GCFC2: variants seen among roughly 807,000 people sequenced by gnomAD.
GCFC2 encodes GC-rich sequence DNA-binding factor 2, also known as intron Large complex component GCFC2.
GCFC2 carries 102 observed loss-of-function variants against 99.4 expected under a neutral mutation model. The observed-to-expected ratio is 1.03, with a 90% CI of 0.87 to 1.21. The LOEUF (loss-of-function observed/expected upper bound fraction) is 1.21. Among genes scored for constraint, GCFC2 ranks in the 50% most tolerant of loss-of-function variants. The probability of loss-of-function intolerance (pLI) is 0.00; values close to 1 mark genes in which losing one functional copy is unlikely to be tolerated. For synonymous variants in GCFC2, 338 were observed against 316.8 expected (o/e 1.07, Z -0.71); for missense variants, 973 against 920.9 (o/e 1.06, Z -0.73).
At chr2:75,667,297 A>C (rs2104186193) in intron 15 of GCFC2, among the ~76,000 whole-genome samples, 1 of 152,308 alleles carries the variant, frequency 6.6e-6, no homozygotes, top group African/African-American at 2.4e-5. Flanking sequence ...CTGTCACAAT[A>C]TCACACTATT....
At chr2:75,666,293 T>C (rs1339006514) in intron 15 of GCFC2, among the ~76,000 whole-genome samples, 3 of 152,240 alleles carry the variant, frequency 2.0e-5, no homozygotes, top group Non-Finnish European at 4.4e-5. Flanking sequence ...GTAGTACTAG[T>C]AATTCTTTCT....
At chr2:75,710,950 G>A (rs1464573061), upstream of GCFC2, 8 of 1,367,146 alleles carry the variant, frequency 5.9e-6, no homozygotes, top group African/African-American at 1.1e-4. Flanking sequence ...GCCGCGCCTG[G>A]CCGCCGAGTG....
intron 16 of GCFC2, among the ~76,000 whole-genome samples, 154 bp from the exon 17 acceptor site, chr2:75,664,937 C>G (rs1440924372): frequency 2.0e-5 from 3 of 152,148 alleles, no homozygotes; most frequent in Admixed American, 1.3e-4. Context: ...ATGCTGCCAT[C>G]TCCACTTAAT....
At chr2:75,705,016 C>T (rs1283239620) in intron 2 of GCFC2, among the ~76,000 whole-genome samples, 3 of 152,120 alleles carry the variant, frequency 2.0e-5, no homozygotes, top group Non-Finnish European at 4.4e-5. Context: ...AGCCACTAGC[C>T]CTATGTGAGT....
chr2:75,702,274 GCTCACTCTCAGGGTCATCTTCGCTCT>G lies in GCFC2; in HGVS notation c.518_543del (p.Glu173AlafsTer2), dbSNP rs1291671151. 1.2e-6 allele frequency: 2 copies of G among 1,612,836 alleles called. No individual in the cohort carries two copies. The highest frequency in any genetic ancestry group is 2.7e-5 in the African/African-American group (2 of 74,862). Reference sequence around the variant, plus strand: ...GGTATTCTCTTTTCATGGTCATCAGGCTCACTCTCAGGGTCATCTTCGCTCTCTCTCTTCATACCAGAGATGGAGGA... The same window carrying G: ...GGTATTCTCTTTTCATGGTCATCAGGCTCTCTTCATACCAGAGATGGAGGA... On this transcript the variant is annotated frameshift_variant, in exon 3 of 17. Coordinates refer to ENST00000321027, the MANE Select transcript of GCFC2 (RefSeq NM_003203.5). LOFTEE classifies it high-confidence loss of function.
At chr2:75,673,106 C>A (rs371622521) in intron 13 of GCFC2, among the ~76,000 whole-genome samples, 2 of 151,860 alleles carry the variant, frequency 1.3e-5, no homozygotes, top group Admixed American at 6.6e-5. Context: ...GTCAGGAGAT[C>A]GAGACCATCC....
chr2:75,706,516 T>C lies in GCFC2; in HGVS notation c.394+7A>G. 2 of 1,561,154 alleles carry C rather than the reference T, an allele frequency of 1.3e-6. No individual in the cohort carries two copies. Among genetic ancestry groups the C allele is most frequent in the South Asian group, 1.2e-5 (1 of 86,040 alleles). On this transcript the variant is annotated splice_region_variant and intron_variant, in intron 2 of 16. Coordinates refer to ENST00000321027, the MANE Select transcript of GCFC2 (RefSeq NM_003203.5). ...AATTCTTAACCAAAATCATACAAAT[T>C]ACTAACCTGTTGATGAAAGTTCTTT...
chr2:75,703,120 A>G (rs1015617487), intron 2 of GCFC2, among the ~76,000 whole-genome samples: 1 of 152,204 alleles, frequency 6.6e-6, no homozygotes, highest in Non-Finnish European at 1.5e-5. Context: ...CATAAATATC[A>G]TTAGCATAAA....
At chr2:75,688,021 T>G in intron 10 of GCFC2, 44 bp from the exon 11 acceptor site, 1 of 1,175,942 alleles carries the variant, frequency 8.5e-7, no homozygotes, top group Non-Finnish European at 1.2e-6. Context: ...TCTTTCAACA[T>G]TAGTGTATTT....
intron 13 of GCFC2, 83 bp downstream of exon 13, chr2:75,673,361 A>G: frequency 2.8e-6 from 2 of 715,650 alleles, no homozygotes; most frequent in Non-Finnish European, 5.1e-6. Context: ...AAAACACTGT[A>G]GTTTCTTTTG....
intron 3 of GCFC2, 76 bp downstream of exon 3, chr2:75,702,123 C>A (rs767853914): frequency 6.5e-7 from 1 of 1,536,700 alleles, no homozygotes; most frequent in South Asian, 1.2e-5. Flanking sequence ...CAGCATATTA[C>A]ATTTTTTATG....
chr2:75,712,969 C>T (rs1681250980), upstream of GCFC2, among the ~76,000 whole-genome samples: 1 of 152,186 alleles, frequency 6.6e-6, no homozygotes, highest in Admixed American at 6.5e-5. Flanking sequence ...CCCAGATATC[C>T]AGTCATTAAA....
At chr2:75,676,430 C>A (rs1181822265) in intron 12 of GCFC2, among the ~76,000 whole-genome samples, 2 of 151,940 alleles carry the variant, frequency 1.3e-5, no homozygotes, top group Non-Finnish European at 2.9e-5. Context: ...CCCACTTCCA[C>A]ATGACAATTT....
chr2:75,703,602 T>C (rs1408833477), intron 2 of GCFC2, among the ~76,000 whole-genome samples: 2 of 152,224 alleles, frequency 1.3e-5, no homozygotes, highest in East Asian at 3.8e-4. Context: ...TATAGACTAC[T>C]GTCAGGGACA....
At chr2:75,703,505 A>G (rs1680701295) in intron 2 of GCFC2, among the ~76,000 whole-genome samples, 1 of 152,240 alleles carries the variant, frequency 6.6e-6, no homozygotes, top group African/African-American at 2.4e-5. Flanking sequence ...TGAAGCAATA[A>G]AGAAATCACT....
Position 75,663,808 on chromosome 2 carries a change from C to G in GCFC2, c.*858G>C, listed in dbSNP as rs1006657524. The stretch of plus-strand genomic sequence containing the variant: ...CCAGAAGGCAGAGGTTGCAGTGAGC[C>G]GAGATTGTGCCACTACTCTCCAGCC... On this transcript the variant is annotated 3_prime_UTR_variant, in exon 17 of 17. Coordinates refer to ENST00000321027, the MANE Select transcript of GCFC2 (RefSeq NM_003203.5). The G allele has an allele frequency of 1.3e-5, 2 of 151,642 alleles. No individual in the cohort carries two copies. Among genetic ancestry groups the G allele is most frequent in the African/African-American group, 4.9e-5 (2 of 41,206 alleles). The allele number at this position is 151,642 out of a possible 1,614,324, so 9.4% of individuals were successfully genotyped here.
chr2:75,687,900 T>C lies in GCFC2; in HGVS notation c.1617A>G (p.Ser539=). The C allele has an allele frequency of 6.2e-7, 1 of 1,604,684 alleles. No homozygotes were observed. Among genetic ancestry groups the C allele is most frequent in the Non-Finnish European group, 8.5e-7 (1 of 1,172,380 alleles). Residue 539 remains serine (S), a synonymous_variant, in exon 11 of 17, where the codon TCA becomes TCG. Coordinates refer to ENST00000321027, the MANE Select transcript of GCFC2 (RefSeq NM_003203.5). ...EEFMDSSVED[S]KKESSSDKKV... ...TTTTATCTGAACTACTTTCCTTCTT[T>C]GAATCTTCCACACTGCTATCCATAA...
chr2:75,668,005 T>C (rs933032543), intron 15 of GCFC2, among the ~76,000 whole-genome samples: 3 of 152,190 alleles, frequency 2.0e-5, no homozygotes, highest in African/African-American at 7.2e-5. Flanking sequence ...CAATTTCCAC[T>C]AACCCTTTTC....
chr2:75,700,563 A>G (rs1367297107), intron 4 of GCFC2, among the ~76,000 whole-genome samples: 1 of 152,262 alleles, frequency 6.6e-6, no homozygotes, highest in Non-Finnish European at 1.5e-5. Flanking sequence ...TGTATTATAC[A>G]GAACAGGCGT....
Sources: gnomAD v4.1 joint callset for allele counts (sites outside exome capture counted in the v4.1 genomes callset) on GRCh38, gnomAD v4.1.1 for gene constraint, MANE v1.5 for transcripts, NCBI Gene and HGNC (gene_info 2026-07-23, HGNC 2026-07-21) for gene names.